Variants in PTPRZ1 observed in about 807,000 individuals in gnomAD.
PTPRZ1 encodes the protein receptor-type tyrosine-protein phosphatase zeta.
In PTPRZ1, 82 loss-of-function variants were observed where a neutral mutation model predicts 214.1. The ratio of observed to expected loss-of-function variants is 0.38; its 90% confidence interval spans 0.32 to 0.46. The LOEUF (loss-of-function observed/expected upper bound fraction) is 0.46. Ranked by LOEUF, PTPRZ1 falls within the 20% of genes least tolerant of loss-of-function variation. The pLI is 1.00. For synonymous variants in PTPRZ1, 945 were observed against 987.9 expected (o/e 0.96, Z 0.81); for missense variants, 2,603 against 2,748.7 (o/e 0.95, Z 1.19).
Position 122,047,852 on chromosome 7 carries a change from G to A in PTPRZ1, c.6084+3284G>A, listed in dbSNP as rs544541233. Among the ~76,000 whole-genome samples the A allele has an allele frequency of 7.2e-5, 11 of 151,958 alleles. No homozygotes were observed. In the South Asian group the frequency reaches 1.0e-3, roughly 14 times the overall value. On this transcript the variant is annotated intron_variant, in intron 23 of 29. Coordinates refer to ENST00000393386, the MANE Select transcript of PTPRZ1 (RefSeq NM_002851.3). Reference sequence around the variant, plus strand: ...ATGTTTTTTGTAGAGATGGGGTTTCGCCATGTTGCCCAGATGGTTTCGAAC... The same window carrying A: ...ATGTTTTTTGTAGAGATGGGGTTTCACCATGTTGCCCAGATGGTTTCGAAC...
intron 13 of PTPRZ1, among the ~76,000 whole-genome samples, chr7:122,023,964 T>C (rs535863340): frequency 7.4e-4 from 112 of 151,334 alleles, no homozygotes; most frequent in Non-Finnish European, 1.4e-3. Flanking sequence ...TTACCATTGA[T>C]TGATAGGACC....
At chr7:122,002,963 T>C (rs552106256) in intron 10 of PTPRZ1, among the ~76,000 whole-genome samples, 1 of 152,340 alleles carries the variant, frequency 6.6e-6, no homozygotes, top group Admixed American at 6.5e-5. Context: ...TTGAAGATTT[T>C]TTATATGCAT....
At chr7:121,873,654 A>G (rs890797710) in intron 1 of PTPRZ1, 97 bp downstream of exon 1, 7 of 1,444,638 alleles carry the variant, frequency 4.8e-6, no homozygotes, top group Non-Finnish European at 6.7e-6. Context: ...CGCCGCCGCC[A>G]TCTAGCCAGG....
chr7:122,022,317 T>C (rs2116693392), intron 13 of PTPRZ1, among the ~76,000 whole-genome samples: 1 of 152,358 alleles, frequency 6.6e-6, no homozygotes, highest in South Asian at 2.1e-4. Context: ...TTGTATATCT[T>C]TTTTTGATAA....
chr7:121,984,305 A>G (rs1797704703), intron 8 of PTPRZ1, among the ~76,000 whole-genome samples, 188 bp downstream of exon 8: 1 of 152,218 alleles, frequency 6.6e-6, no homozygotes, highest in African/African-American at 2.4e-5. Context: ...GCAACTAAAA[A>G]AATCTATTCT....
intron 2 of PTPRZ1, among the ~76,000 whole-genome samples, 166 bp from the exon 3 acceptor site, chr7:121,967,785 T>A (rs1797087929): frequency 3.3e-5 from 5 of 152,164 alleles, no homozygotes; most frequent in Admixed American, 3.3e-4. Context: ...CGTATTGAAA[T>A]CCAGAATCTA....
At chr7:121,893,282 A>G (rs138897992) in intron 1 of PTPRZ1, among the ~76,000 whole-genome samples, 1 of 152,336 alleles carries the variant, frequency 6.6e-6, no homozygotes, top group East Asian at 1.9e-4. Flanking sequence ...GGTTCAAACA[A>G]GAATAGATTT....
At chr7:121,953,899 A>G (rs1796632159) in intron 2 of PTPRZ1, among the ~76,000 whole-genome samples, 1 of 152,188 alleles carries the variant, frequency 6.6e-6, no homozygotes, top group Non-Finnish European at 1.5e-5. Context: ...CTCAGCAATC[A>G]GTTCCTGGAG....
At chr7:122,022,821 C>G (rs1799058125) in intron 13 of PTPRZ1, among the ~76,000 whole-genome samples, 1 of 152,086 alleles carries the variant, frequency 6.6e-6, no homozygotes. Flanking sequence ...AGTTGCAAAA[C>G]TTTAATTGAA....
intron 8 of PTPRZ1, among the ~76,000 whole-genome samples, chr7:121,985,944 C>T (rs563455459): frequency 2.0e-4 from 30 of 152,304 alleles, no homozygotes; most frequent in Non-Finnish European, 3.2e-4. Flanking sequence ...TAAAGTAAAG[C>T]TCTCTTTCAC....
chr7:121,891,062 A>T (rs1044207860), intron 1 of PTPRZ1, among the ~76,000 whole-genome samples: 2 of 152,024 alleles, frequency 1.3e-5, no homozygotes, highest in South Asian at 4.1e-4. Context: ...GCCTTTCTGG[A>T]TCACCAAGGC....
Position 122,040,816 on chromosome 7 carries a change from G to A in PTPRZ1, c.5638G>A (p.Gly1880Ser). Residue 1880 changes from glycine to serine, a missense_variant and splice_region_variant, in exon 21 of 30, where the codon GGC becomes AGC. Gly to Ser is a moderately conservative substitution (Grantham distance 56). Coordinates refer to ENST00000393386, the MANE Select transcript of PTPRZ1 (RefSeq NM_002851.3). ...FTLRNTKIKKGSQKGRPSGRV... is the reference protein window; with the variant it reads ...FTLRNTKIKKSSQKGRPSGRV... ...TTATTAACTGTCTGAACTTTTCCAG[G>A]GCTCCCAGAAAGGAAGACCCAGTGG... 6.5e-7 allele frequency: 1 copy of A among 1,528,218 alleles called. No individual in the cohort carries two copies. Among genetic ancestry groups the A allele is most frequent in the Non-Finnish European group, 8.9e-7 (1 of 1,129,374 alleles). The allele number at this position is 1,528,218 out of a possible 1,614,324, so 94.7% of individuals were successfully genotyped here.
intron 6 of PTPRZ1, among the ~76,000 whole-genome samples, chr7:121,978,576 C>G (rs1797512276): frequency 6.6e-6 from 1 of 152,124 alleles, no homozygotes; most frequent in Non-Finnish European, 1.5e-5. Flanking sequence ...ATCATGAGAA[C>G]AGCATGGGGG....
chr7:121,998,028 T>C (rs1323744365), intron 10 of PTPRZ1, 22 bp downstream of exon 10: 5 of 1,605,058 alleles, frequency 3.1e-6, no homozygotes, highest in Middle Eastern at 1.6e-4. Flanking sequence ...CAGATACATC[T>C]ATATATTAAC....
chr7:122,054,860 A>G, intron 26 of PTPRZ1, 81 bp from the exon 27 acceptor site: 1 of 1,361,210 alleles, frequency 7.3e-7, no homozygotes, highest in East Asian at 2.5e-5. Context: ...TTCTGTGCCA[A>G]CCAATTAACT....
chr7:122,021,088 T>C (rs574623428), intron 13 of PTPRZ1, among the ~76,000 whole-genome samples: 33 of 152,268 alleles, frequency 2.2e-4, no homozygotes, highest in African/African-American at 7.7e-4. Flanking sequence ...ATATGACCAA[T>C]TCTGCTTCAT....
At chr7:122,057,263 A>G (rs1325696742) in intron 27 of PTPRZ1, among the ~76,000 whole-genome samples, 1 of 151,904 alleles carries the variant, frequency 6.6e-6, no homozygotes, top group African/African-American at 2.4e-5. Flanking sequence ...TGAGTGCACT[A>G]CATCCTCATC....
At chr7:122,051,621 C>T in intron 24 of PTPRZ1, 100 bp downstream of exon 24, 7 of 994,420 alleles carry the variant, frequency 7.0e-6, no homozygotes, top group Non-Finnish European at 1.1e-5. Flanking sequence ...AAATGGAGCA[C>T]ATTCAAATAT....
At chr7:122,058,426 T>A (rs1219398959) in intron 27 of PTPRZ1, among the ~76,000 whole-genome samples, 1 of 152,042 alleles carries the variant, frequency 6.6e-6, no homozygotes, top group Non-Finnish European at 1.5e-5. Context: ...GTGAAGAAAG[T>A]GTATGCTATT....
Sources: gnomAD v4.1 joint callset for allele counts (sites outside exome capture counted in the v4.1 genomes callset) on GRCh38, gnomAD v4.1.1 for gene constraint, MANE v1.5 for transcripts, NCBI Gene and HGNC (gene_info 2026-07-23, HGNC 2026-07-21) for gene names.